The following PDE5A variants were observed in gnomAD, a reference collection of about 807,000 sequenced individuals.
PDE5A encodes phosphodiesterase 5A.
Under a neutral mutation model 110.2 loss-of-function variants are expected in PDE5A, and 67 were observed. That is an observed-to-expected ratio of 0.61 (90% CI 0.50 to 0.75). PDE5A has a LOEUF of 0.75. Among genes scored for constraint, PDE5A ranks in the 30% least tolerant of loss-of-function variants. PDE5A has a pLI of 0.00. For synonymous variants in PDE5A, 328 were observed against 351.2 expected, an observed-to-expected ratio of 0.93 and a Z score of 0.74; for missense variants, 862 against 1,045.1, an observed-to-expected ratio of 0.82 and a Z score of 2.42.
Position 119,503,311 on chromosome 4 carries a change from G to A in PDE5A, c.2332-656C>T, listed in dbSNP as rs182989863. Among the ~76,000 whole-genome samples the A allele has an allele frequency of 3.7e-4, 56 of 152,216 alleles. No individual in the cohort carries two copies. In the Middle Eastern group the frequency reaches 0.01, roughly 28 times the overall value. ...ACAAAAACACAATATATATGTCACT[G>A]CATGGACATCCATCACTTTTTCTGA... On this transcript the variant is annotated intron_variant, in intron 18 of 20. Coordinates refer to ENST00000354960, the MANE Select transcript of PDE5A (RefSeq NM_001083.4).
At chr4:119,522,422 C>T (rs1261169252) in intron 12 of PDE5A, among the ~76,000 whole-genome samples, 1 of 151,872 alleles carries the variant, frequency 6.6e-6, no homozygotes, top group East Asian at 1.9e-4. Flanking sequence ...GATCTATAAA[C>T]TCTCTTTGAT....
intron 1 of PDE5A, among the ~76,000 whole-genome samples, chr4:119,620,109 C>T (rs560875925): frequency 6.6e-6 from 1 of 152,190 alleles, no homozygotes; most frequent in Non-Finnish European, 1.5e-5. Context: ...AAAAAAGTGT[C>T]ACCACCAAAT....
At chr4:119,538,145 C>A (rs1028929060) in intron 11 of PDE5A, among the ~76,000 whole-genome samples, 20 of 151,932 alleles carry the variant, frequency 1.3e-4, no homozygotes, top group African/African-American at 4.6e-4. Flanking sequence ...TTCAGTGCGG[C>A]CTTCATAACA....
At chr4:119,587,549 A>C (rs571419538) in intron 3 of PDE5A, among the ~76,000 whole-genome samples, 3 of 151,920 alleles carry the variant, frequency 2.0e-5, no homozygotes, top group Non-Finnish European at 4.4e-5. Flanking sequence ...GCGCCCGGCT[A>C]ATTTTTTTGT....
At chr4:119,584,575 A>G (rs897629542) in intron 3 of PDE5A, among the ~76,000 whole-genome samples, 13 of 152,216 alleles carry the variant, frequency 8.5e-5, no homozygotes, top group African/African-American at 2.7e-4. Flanking sequence ...AAAATATATC[A>G]AGTGTCAAAT....
intron 3 of PDE5A, among the ~76,000 whole-genome samples, chr4:119,570,687 G>A (rs1431299789): frequency 6.6e-6 from 1 of 152,110 alleles, no homozygotes; most frequent in Non-Finnish European, 1.5e-5. Context: ...ATTTACTGAG[G>A]TCATACATCA....
intron 20 of PDE5A, among the ~76,000 whole-genome samples, chr4:119,499,278 CA>C (rs1725203956): frequency 6.6e-6 from 1 of 151,968 alleles, no homozygotes; most frequent in African/African-American, 2.4e-5. Context: ...CTTAAAATGA[CA>C]AATACCCAAC....
At position 119,496,846 on chromosome 4, in the gene PDE5A, A is replaced by G. The variant is rs1725094625; in HGVS notation, c.*1755T>C. The G allele has an allele frequency of 6.6e-6, 1 of 152,604 alleles. No homozygotes were observed. The highest frequency in any genetic ancestry group is 6.6e-5 in the Admixed American group (1 of 15,262). 9.5% of individuals were successfully genotyped at this position (152,604 alleles called of 1,614,324 possible). On this transcript the variant is annotated 3_prime_UTR_variant, in exon 21 of 21. Transcript: ENST00000354960. ...AAAAAAAATAAAATATCCTGAAAAT[A>G]CAAGTATACAATACATATAGCATTA... is the stretch of plus-strand genomic sequence containing the variant.
chr4:119,507,753 C>A, intron 15 of PDE5A, 49 bp from the exon 16 acceptor site: 1 of 1,197,052 alleles, frequency 8.4e-7, no homozygotes, highest in Non-Finnish European at 1.2e-6. Flanking sequence ...AAGCTGCTGA[C>A]AAGAACAAAA....
rs1208590457 is a variant in PDE5A at position 119,505,884 on chromosome 4, C to CA, written c.2237dup (p.Leu746PhefsTer19). The CA allele has an allele frequency of 6.4e-7, 1 of 1,569,590 alleles. No individual in the cohort carries two copies. The highest frequency in any genetic ancestry group is 8.6e-7 in the Non-Finnish European group (1 of 1,159,060). On this transcript the variant is annotated frameshift_variant, in exon 17 of 21. Coordinates refer to ENST00000354960, the MANE Select transcript of PDE5A (RefSeq NM_001083.4). LOFTEE classifies it high-confidence loss of function. ...ACAACTCCTTTTGATGAGGATCTTC[C>CA]AAATTGAATTGATTTTTTCTTATAA...
At chr4:119,596,493 G>T in intron 3 of PDE5A, 30 bp downstream of exon 3, 3 of 1,213,712 alleles carry the variant, frequency 2.5e-6, no homozygotes, top group Non-Finnish European at 2.3e-6. Flanking sequence ...TATTTCCAAT[G>T]ACCTTTTATA....
chr4:119,605,257 C>A (rs941204632), intron 2 of PDE5A, among the ~76,000 whole-genome samples: 2 of 152,182 alleles, frequency 1.3e-5, no homozygotes, highest in African/African-American at 4.8e-5. Context: ...TCTCTTCTAA[C>A]TTCTCTTTAC....
intron 2 of PDE5A, among the ~76,000 whole-genome samples, chr4:119,598,460 A>G (rs533907615): frequency 7.4e-4 from 112 of 152,332 alleles, no homozygotes; most frequent in African/African-American, 2.6e-3. Context: ...TAGGTCCAGT[A>G]AACATCAAAG....
intron 13 of PDE5A, among the ~76,000 whole-genome samples, chr4:119,520,601 A>C (rs1726091330): frequency 1.3e-5 from 2 of 152,088 alleles, no homozygotes; most frequent in Non-Finnish European, 2.9e-5. Context: ...TGTGAACAAG[A>C]GAAATGTGAT....
chr4:119,514,551 T>G (rs1174770519), intron 14 of PDE5A, among the ~76,000 whole-genome samples: 1 of 152,030 alleles, frequency 6.6e-6, no homozygotes, highest in Non-Finnish European at 1.5e-5. Flanking sequence ...TGATGATTCA[T>G]TTCACCTTTT....
chr4:119,525,610 A>T lies in PDE5A; in HGVS notation c.1718T>A (p.Leu573Gln). 2 of 1,613,326 alleles carry T rather than the reference A, an allele frequency of 1.2e-6. No individual in the cohort carries two copies. The highest frequency in any genetic ancestry group is 1.7e-6 in the Non-Finnish European group (2 of 1,179,462). Reference protein sequence around the residue: ...DFELSDLETALCTIRMFTDLN... With the variant: ...DFELSDLETAQCTIRMFTDLN... ...GTCAGTAAACATCCGAATTGTACAC[A>T]GTGCTGTTTCCAGATCAGACAGCTC... The change falls in exon 12 of 21, where the codon CTG (leucine) becomes CAG (glutamine). Residue 573 changes from leucine to glutamine, a missense_variant. Physicochemically the swap from Leu to Gln is moderately radical, Grantham distance 113. Transcript: ENST00000354960. This position sits in a 1 kb window ranked among gnomAD's most constrained non-coding sequence, Gnocchi z 4.3.
At chr4:119,501,315 CTT>C in intron 19 of PDE5A, 62 bp from the exon 20 acceptor site, 2 of 1,038,762 alleles carry the variant, frequency 1.9e-6, no homozygotes, top group East Asian at 2.5e-5. Flanking sequence ...TTAGTTATTA[CTT>C]TATTATTTTT....
At chr4:119,593,638 G>A (rs773391628) in intron 3 of PDE5A, among the ~76,000 whole-genome samples, 6 of 152,184 alleles carry the variant, frequency 3.9e-5, no homozygotes, top group Non-Finnish European at 5.9e-5. Context: ...TGACAGAAAT[G>A]TTCTATATCT....
In PDE5A at chr4:119,565,423, T is replaced by C. The variant is rs1727894723; in HGVS notation, c.904-13A>G. ...AAGCAGCAAAGTCCTAAAAAACAGATAATAGACAAATAAAAACGGTACATA... is the reference window on the plus strand; with the variant it reads ...AAGCAGCAAAGTCCTAAAAAACAGACAATAGACAAATAAAAACGGTACATA... On this transcript the variant is annotated splice_polypyrimidine_tract_variant and intron_variant, in intron 4 of 20. Coordinates refer to ENST00000354960, the MANE Select transcript of PDE5A (RefSeq NM_001083.4). The C allele has an allele frequency of 1.9e-6, 3 of 1,571,718 alleles. No individual in the cohort carries two copies. Among genetic ancestry groups the C allele is most frequent in the Middle Eastern group, 1.7e-4 (1 of 5,918 alleles).
Sources: gnomAD v4.1 joint callset for allele counts (sites outside exome capture counted in the v4.1 genomes callset) on GRCh38, gnomAD v4.1.1 for gene constraint, Gnocchi (gnomAD v3.1) non-coding constraint, MANE v1.5 for transcripts, NCBI Gene and HGNC (gene_info 2026-07-23, HGNC 2026-07-21) for gene names.